Variants in ADRA1B observed in about 807,000 individuals in gnomAD.
ADRA1B encodes adrenoceptor alpha 1B.
A neutral mutation model predicts 17.9 loss-of-function variants in ADRA1B; 17 were observed. The ratio of observed to expected loss-of-function variants is 0.95; its 90% confidence interval spans 0.65 to 1.42. The LOEUF (loss-of-function observed/expected upper bound fraction) is 1.42, where lower values mean the gene tolerates loss of function less well. ADRA1B is among the 40% of genes most tolerant of loss of function. ADRA1B has a pLI of 0.00. For synonymous variants in ADRA1B, 366 were observed against 327.6 expected (o/e 1.12, Z -1.27); for missense variants, 681 against 722.1 (o/e 0.94, Z 0.65).
intron 1 of ADRA1B, among the ~76,000 whole-genome samples, chr5:159,941,860 G>T (rs1302126759): frequency 6.6e-6 from 1 of 151,690 alleles, no homozygotes; most frequent in Non-Finnish European, 1.5e-5. Flanking sequence ...AAGTAGATGA[G>T]TGTTCGCAGA....
intron 1 of ADRA1B, chr5:159,951,549 C>CGAACGG: frequency 3.5e-6 from 2 of 578,174 alleles, no homozygotes; most frequent in Non-Finnish European, 6.4e-6. Flanking sequence ...AGCTGTCTGT[C>CGAACGG]GAACGGGAGG....
chr5:159,967,750 TA>T (rs1328728876), intron 1 of ADRA1B, among the ~76,000 whole-genome samples: 1 of 152,106 alleles, frequency 6.6e-6, no homozygotes, highest in Non-Finnish European at 1.5e-5. Flanking sequence ...ATAAACAGTG[TA>T]ATGAGCCCAA....
the ADRA1B span, among the ~76,000 whole-genome samples, chr5:159,987,400 G>T: frequency 6.6e-6 from 1 of 152,218 alleles, no homozygotes; most frequent in South Asian, 2.1e-4. Flanking sequence ...TTTCCTCGCC[G>T]CCTGGAGCGG....
intron 1 of ADRA1B, among the ~76,000 whole-genome samples, chr5:159,942,672 T>C (rs1333187497): frequency 1.3e-5 from 2 of 151,994 alleles, no homozygotes; most frequent in South Asian, 2.1e-4. Context: ...AGACAAATTG[T>C]TGGGGGGAGA....
At chr5:159,905,412 A>T (rs1754151538) in intron 1 of ADRA1B, among the ~76,000 whole-genome samples, 1 of 152,262 alleles carries the variant, frequency 6.6e-6, no homozygotes, top group Non-Finnish European at 1.5e-5. Context: ...TAAAATGTCT[A>T]AAAAGAGAAT....
intron 1 of ADRA1B, among the ~76,000 whole-genome samples, chr5:159,908,936 T>C (rs2113131384): frequency 1.3e-5 from 2 of 152,206 alleles, no homozygotes. Flanking sequence ...GCTGCTCCTG[T>C]CTAAAAGTCT....
At chr5:159,925,531 C>A (rs889581139) in intron 1 of ADRA1B, among the ~76,000 whole-genome samples, 3 of 152,178 alleles carry the variant, frequency 2.0e-5, no homozygotes, top group African/African-American at 7.2e-5. Flanking sequence ...GTGGTGCCAG[C>A]ACCATGGGGA....
At position 159,866,542 on chromosome 5, in the gene ADRA1B, G is replaced by A. The variant is rs368837823; in HGVS notation, c.-256+1336G>A. ...GCGGAGGTTGGGGTGAGCTGAGATC[G>A]CGCCACTGCATTACAGCCTGGGCAA... On this transcript the variant is annotated intron_variant, in intron 1 of 2. Transcript: ENST00000641205. 1.2e-4 allele frequency among the ~76,000 whole-genome samples: 18 copies of A among 148,496 alleles called. No homozygotes were observed. In the South Asian group the frequency reaches 1.7e-3, roughly 14 times the overall value.
chr5:159,876,413 C>CT (rs1402636143), intron 1 of ADRA1B, among the ~76,000 whole-genome samples: 2 of 152,212 alleles, frequency 1.3e-5, no homozygotes, highest in Non-Finnish European at 2.9e-5. Flanking sequence ...TCCTATGTCT[C>CT]TTTCTTATCC....
chr5:159,895,391 C>T (rs987443784), intron 1 of ADRA1B, among the ~76,000 whole-genome samples: 1 of 152,168 alleles, frequency 6.6e-6, no homozygotes, highest in Non-Finnish European at 1.5e-5. Flanking sequence ...ACAAACAATG[C>T]CTCATTGAAG....
Position 159,972,155 on chromosome 5 carries a change from A to C in ADRA1B, c.1226A>C (p.Asp409Ala). 9 of 1,361,118 alleles carry C rather than the reference A, an allele frequency of 6.6e-6. No homozygotes were observed. The highest frequency in any genetic ancestry group is 8.6e-6 in the Non-Finnish European group (9 of 1,047,540). 84.3% of individuals were successfully genotyped at this position (1,361,118 alleles called of 1,614,324 possible). ...RSQSRKDSLDDSGSCLSGSQR... is the reference protein window; with the variant it reads ...RSQSRKDSLDASGSCLSGSQR... ...CAGTCGCGCAAGGACTCGCTGGACG[A>C]CAGCGGCAGCTGCCTGAGCGGCAGC... is the stretch of plus-strand genomic sequence containing the variant. Residue 409 changes from aspartate (D) to alanine (A), a missense_variant, in exon 2 of 2, where the codon GAC becomes GCC. Physicochemically the swap from Asp to Ala is moderately radical, Grantham distance 126. Transcript: ENST00000306675.
At chr5:159,964,426 G>C (rs923931518) in intron 1 of ADRA1B, among the ~76,000 whole-genome samples, 3 of 152,198 alleles carry the variant, frequency 2.0e-5, no homozygotes, top group Admixed American at 6.5e-5. Context: ...TCTCCACCAT[G>C]ATGTTTTATT....
At position 159,972,338 on chromosome 5, in the gene ADRA1B, C is replaced by T. The variant is rs1036439829; in HGVS notation, c.1409C>T (p.Ser470Leu). The change falls in exon 2 of 2, where the codon TCG becomes TTG. Residue 470 changes from serine (S) to leucine (L), a missense_variant. Ser to Leu is a moderately radical substitution (Grantham distance 145). Coordinates refer to ENST00000306675, the MANE Select transcript of ADRA1B (RefSeq NM_000679.4). ...CCCGGCCGCCGCGGCCGCCACGACT[C>T]GGGCCCGCTCTTCACCTTCAAGCTC... ...EPPGRRGRHD[S>L]GPLFTFKLLT... 9.5e-6 allele frequency: 14 copies of T among 1,466,002 alleles called. No individual in the cohort carries two copies. In the African/African-American group the frequency reaches 1.2e-4, roughly 12 times the overall value. The allele number at this position is 1,466,002 out of a possible 1,614,324, so 90.8% of individuals were successfully genotyped here.
In ADRA1B at chr5:159,972,449, C is replaced by G. The variant is rs1458467133; in HGVS notation, c.1520C>G (p.Pro507Arg). The G allele has an allele frequency of 1.2e-5, 18 of 1,489,806 alleles. 1 individual carries two copies. In the South Asian group the frequency reaches 2.2e-4, roughly 19 times the overall value. The allele number at this position is 1,489,806 out of a possible 1,614,324, so 92.3% of individuals were successfully genotyped here. ...GCGGCCGACGTGGCCAACGGGCAGCCGGGCTTCAAAAGCAACATGCCCCTG... is the reference window on the plus strand; with the variant it reads ...GCGGCCGACGTGGCCAACGGGCAGCGGGGCTTCAAAAGCAACATGCCCCTG... ...EAAADVANGQPGFKSNMPLAP... is the reference protein window; with the variant it reads ...EAAADVANGQRGFKSNMPLAP... Residue 507 changes from proline to arginine, a missense_variant, in exon 2 of 2, where the codon CCG becomes CGG. Pro to Arg is a moderately radical substitution (Grantham distance 103). Coordinates refer to ENST00000306675, the MANE Select transcript of ADRA1B (RefSeq NM_000679.4).
At chr5:159,956,455 C>A (rs1755552421) in intron 1 of ADRA1B, among the ~76,000 whole-genome samples, 1 of 151,836 alleles carries the variant, frequency 6.6e-6, no homozygotes, top group Non-Finnish European at 1.5e-5. Context: ...AAGCATTCTT[C>A]CCTGAAATTT....
intron 1 of ADRA1B, among the ~76,000 whole-genome samples, chr5:159,905,799 C>T (rs1754156329): frequency 6.6e-6 from 1 of 151,958 alleles, no homozygotes; most frequent in Admixed American, 6.6e-5. Flanking sequence ...TGACCCTGAG[C>T]TGAGGTGTGA....
chr5:159,980,942 A>G, the ADRA1B span, among the ~76,000 whole-genome samples: 1 of 152,082 alleles, frequency 6.6e-6, no homozygotes, highest in African/African-American at 2.4e-5. Flanking sequence ...AATAAAAAAA[A>G]CCAGAAGAAA....
chr5:159,922,311 G>A (rs1007822864), intron 1 of ADRA1B, among the ~76,000 whole-genome samples: 2 of 152,202 alleles, frequency 1.3e-5, no homozygotes, highest in African/African-American at 4.8e-5. Flanking sequence ...GCTCAGAGAG[G>A]TAAAACTTCT....
rs1324124778 is a variant in ADRA1B at position 159,967,964 on chromosome 5, TA to T, written c.950-3914del. ...CCAAAAAACGTATGCCGCGCAGACA[TA>T]GGGGGAAAGTAAAATTTATGCCCCC... On this transcript the variant is annotated intron_variant, in intron 1 of 1. Coordinates refer to ENST00000306675, the MANE Select transcript of ADRA1B (RefSeq NM_000679.4). Among the ~76,000 whole-genome samples the T allele has an allele frequency of 2.0e-5, 3 of 152,128 alleles. No homozygotes were observed. In the East Asian group the frequency reaches 5.8e-4, roughly 29 times the overall value.
Sources: gnomAD v4.1 joint callset for allele counts (sites outside exome capture counted in the v4.1 genomes callset) on GRCh38, gnomAD v4.1.1 for gene constraint, MANE v1.5 for transcripts, NCBI Gene and HGNC (gene_info 2026-07-23, HGNC 2026-07-21) for gene names.